GPC5: variants seen among roughly 807,000 people sequenced by gnomAD.
GPC5 encodes glypican-5.
A neutral mutation model predicts 53.9 loss-of-function variants in GPC5; 47 were observed. That is an observed-to-expected ratio of 0.87 (90% CI 0.69 to 1.11). The LOEUF is 1.11. Among genes scored for constraint, GPC5 ranks in the 50% most tolerant of loss-of-function variants. The pLI, the probability that GPC5 is intolerant of heterozygous loss-of-function variation, is 0.00. For synonymous variants in GPC5, 286 were observed against 263.3 expected, an observed-to-expected ratio of 1.09 and a Z score of -0.84; for missense variants, 748 against 713.1, an observed-to-expected ratio of 1.05 and a Z score of -0.56.
chr13:92,803,890 C>T (rs1332908537), intron 7 of GPC5, among the ~76,000 whole-genome samples: 1 of 151,876 alleles, frequency 6.6e-6, no homozygotes, highest in Non-Finnish European at 1.5e-5. Context: ...AGAAAGTAAC[C>T]TATTTTTCTC....
intron 1 of GPC5, among the ~76,000 whole-genome samples, chr13:91,430,404 G>T (rs1018487374): frequency 6.6e-6 from 1 of 152,168 alleles, no homozygotes; most frequent in African/African-American, 2.4e-5. Flanking sequence ...GCTTGTTTAG[G>T]TATGGACTCT....
At chr13:92,829,921 C>T (rs1163806741) in intron 7 of GPC5, among the ~76,000 whole-genome samples, 1 of 151,994 alleles carries the variant, frequency 6.6e-6, no homozygotes, top group Non-Finnish European at 1.5e-5. Flanking sequence ...ATTTTCAAAA[C>T]TTTTAAGTTA....
At chr13:92,413,522 A>C (rs1017915343) in intron 7 of GPC5, among the ~76,000 whole-genome samples, 1 of 152,202 alleles carries the variant, frequency 6.6e-6, no homozygotes, top group Admixed American at 6.5e-5. Context: ...TAGGGATATC[A>C]GTTACTTTCC....
chr13:92,444,737 A>G (rs1462069102), intron 7 of GPC5, among the ~76,000 whole-genome samples: 45 of 140,546 alleles, frequency 3.2e-4, no homozygotes, highest in African/African-American at 1.1e-3. Flanking sequence ...AAAAAAAAAA[A>G]AAAGTCTAAA....
intron 7 of GPC5, among the ~76,000 whole-genome samples, chr13:92,793,162 G>T (rs1594511146): frequency 6.7e-6 from 1 of 150,034 alleles, no homozygotes; most frequent in Admixed American, 6.6e-5. Context: ...AAATGTAAAA[G>T]AACAGAAATC....
chr13:92,519,920 G>A (rs1880964332), intron 7 of GPC5, among the ~76,000 whole-genome samples: 1 of 151,944 alleles, frequency 6.6e-6, no homozygotes, highest in Non-Finnish European at 1.5e-5. Flanking sequence ...GAATCAAATA[G>A]ACGCAATAAA....
intron 6 of GPC5, among the ~76,000 whole-genome samples, chr13:91,942,339 G>A (rs1037303025): frequency 6.6e-6 from 1 of 151,888 alleles, no homozygotes; most frequent in African/African-American, 2.4e-5. Context: ...TCTTGTTACA[G>A]TCATTTTATC....
chr13:92,053,594 TA>T (rs2041048503), intron 6 of GPC5, among the ~76,000 whole-genome samples: 1 of 152,106 alleles, frequency 6.6e-6, no homozygotes, highest in African/African-American at 2.4e-5. Context: ...AAATGTTACT[TA>T]GATTGTTTTT....
At chr13:92,575,047 G>A (rs181312356) in intron 7 of GPC5, among the ~76,000 whole-genome samples, 19 of 152,220 alleles carry the variant, frequency 1.2e-4, no homozygotes, top group Non-Finnish European at 1.6e-4. Context: ...CTCCTGAGGC[G>A]CTACCCTTGG....
intron 7 of GPC5, among the ~76,000 whole-genome samples, chr13:92,563,020 G>T (rs1882745733): frequency 6.6e-6 from 1 of 152,000 alleles, no homozygotes; most frequent in Non-Finnish European, 1.5e-5. Flanking sequence ...GAAGATAAAA[G>T]ATCTCTAAAT....
intron 5 of GPC5, among the ~76,000 whole-genome samples, chr13:91,761,241 G>C (rs1040463393): frequency 6.6e-6 from 1 of 152,054 alleles, no homozygotes; most frequent in East Asian, 1.9e-4. Flanking sequence ...TTCCACAGTG[G>C]CTCTTAAACC....
intron 7 of GPC5, among the ~76,000 whole-genome samples, chr13:92,272,772 C>A (rs2042849503): frequency 6.6e-6 from 1 of 152,020 alleles, no homozygotes; most frequent in Non-Finnish European, 1.5e-5. Context: ...TATTACAGAA[C>A]AAAGTGGAAT....
chr13:92,412,637 C>T (rs1258969216), intron 7 of GPC5, among the ~76,000 whole-genome samples: 1 of 152,132 alleles, frequency 6.6e-6, no homozygotes, highest in Non-Finnish European at 1.5e-5. Flanking sequence ...TTGTTTATAA[C>T]TGATTTTGCA....
At position 92,704,861 on chromosome 13, in the gene GPC5, A is replaced by AGTATATATATATATACTCAATGT. The variant is rs1566373823; in HGVS notation, c.1562-161419_1562-161418insATATATATATATACTCAATGTGT. On this transcript the variant is annotated intron_variant, in intron 7 of 7. Coordinates refer to ENST00000377067, the MANE Select transcript of GPC5 (RefSeq NM_004466.6). The stretch of plus-strand genomic sequence containing the variant: ...CACACTCTTAGTGTGTAAATATATG[A>AGTATATATATATATACTCAATGT]GTGTATATATATATACTCAATGTGT... Among the ~76,000 whole-genome samples, 6 of 146,286 alleles carry AGTATATATATATATACTCAATGT rather than the reference A, an allele frequency of 4.1e-5. No individual in the cohort carries two copies. The South Asian group carries it at 8.6e-4, about 21-fold the overall frequency.
chr13:92,492,371 A>C (rs934753079), intron 7 of GPC5, among the ~76,000 whole-genome samples: 1 of 151,992 alleles, frequency 6.6e-6, no homozygotes, highest in Non-Finnish European at 1.5e-5. Flanking sequence ...GAGGGATAGC[A>C]ATAGGAGATA....
chr13:92,738,314 T>C (rs1048237817), intron 7 of GPC5, among the ~76,000 whole-genome samples: 3 of 152,104 alleles, frequency 2.0e-5, no homozygotes, highest in Admixed American at 6.6e-5. Context: ...TTTTCTTTTT[T>C]ATGCAATGGT....
At chr13:92,710,756 T>G (rs189537036) in intron 7 of GPC5, among the ~76,000 whole-genome samples, 2 of 152,132 alleles carry the variant, frequency 1.3e-5, no homozygotes, top group African/African-American at 4.8e-5. Flanking sequence ...GAGAGACTGA[T>G]AAAAGTGGTC....
chr13:92,352,124 C>A (rs116041548), intron 7 of GPC5, among the ~76,000 whole-genome samples: 2 of 152,070 alleles, frequency 1.3e-5, no homozygotes, highest in African/African-American at 4.8e-5. Flanking sequence ...AGAAACAGAA[C>A]CATGCTTGTG....
At chr13:92,589,491 A>C (rs4624030) in intron 7 of GPC5, among the ~76,000 whole-genome samples, 30,609 of 152,190 alleles carry the variant, frequency 0.2, 3,782 homozygotes, top group Middle Eastern at 0.34. Context: ...ATTTCTGATC[A>C]AATCATGATT....
Sources: gnomAD v4.1 joint callset for allele counts (sites outside exome capture counted in the v4.1 genomes callset) on GRCh38, gnomAD v4.1.1 for gene constraint, MANE v1.5 for transcripts, NCBI Gene and HGNC (gene_info 2026-07-23, HGNC 2026-07-21) for gene names.